The following ZNF699 variants were observed in gnomAD, a reference collection of about 807,000 sequenced individuals.
The protein encoded by ZNF699 is zinc finger protein 699.
A neutral mutation model predicts 22.5 loss-of-function variants in ZNF699; 18 were observed. That is an observed-to-expected ratio of 0.80 (90% CI 0.55 to 1.19). The LOEUF (loss-of-function observed/expected upper bound fraction) is 1.19. Among genes scored for constraint, ZNF699 ranks in the 50% most tolerant of loss-of-function variants. The pLI is 0.00. For synonymous variants in ZNF699, 241 were observed against 262.3 expected, an observed-to-expected ratio of 0.92 and a Z score of 0.78; for missense variants, 670 against 763.4, an observed-to-expected ratio of 0.88 and a Z score of 1.44.
At chr19:9,305,922 T>G (rs2066326095) in intron 1 of ZNF699, among the ~76,000 whole-genome samples, 1 of 151,828 alleles carries the variant, frequency 6.6e-6, no homozygotes, top group Non-Finnish European at 1.5e-5. Context: ...CAGGATGGTG[T>G]CAATCTCCTG....
chr19:9,302,839 A>G (rs185966982), intron 2 of ZNF699, among the ~76,000 whole-genome samples: 86 of 152,272 alleles, frequency 5.6e-4, no homozygotes, highest in Admixed American at 5.4e-3. Context: ...GCAACAGAAC[A>G]TAGTGAGAAT....
intron 3 of ZNF699, among the ~76,000 whole-genome samples, chr19:9,300,858 T>C (rs551838956): frequency 1.3e-4 from 20 of 152,356 alleles, no homozygotes; most frequent in African/African-American, 4.8e-4. Flanking sequence ...TATGATATTA[T>C]AATGGTGGAT....
At position 9,296,176 on chromosome 19, in the gene ZNF699, T is replaced by A; in HGVS notation, c.1228A>T (p.Met410Leu). 4.3e-6 allele frequency: 7 copies of A among 1,613,834 alleles called. No homozygotes were observed. Among genetic ancestry groups the A allele is most frequent in the Non-Finnish European group, 5.9e-6 (7 of 1,179,918 alleles). ...GGTTTTTCTCCAGTGTGTTTTCTCA[T>A]ATGGATACTTAAGGAGGAGGGACAA... ...YNCPSSLSIH[M>L]RKHTGEKPYE... The change falls in exon 6 of 6, where the codon ATG becomes TTG. Residue 410 changes from methionine to leucine, a missense_variant. Physicochemically the swap from Met to Leu is conservative, Grantham distance 15 (BLOSUM62 2). Transcript: ENST00000591998.
rs1427330490 is a variant in ZNF699, at chr19:9,297,837, AT to A, written c.286+42del. The A allele has an allele frequency of 6.0e-6, 9 of 1,488,116 alleles. No individual in the cohort carries two copies. Among genetic ancestry groups the A allele is most frequent in the Non-Finnish European group, 8.4e-6 (9 of 1,071,022 alleles). 92.2% of individuals were successfully genotyped at this position (1,488,116 alleles called of 1,614,324 possible). ...TGTTTTTGTTTTTTACTTTAAGTTT[AT>A]TTTTTCCCCCAACCAAAACAGTTTC... On this transcript the variant is annotated intron_variant, in intron 4 of 5. Transcript: ENST00000591998. This position sits in a 1 kb window ranked among gnomAD's most constrained non-coding sequence, Gnocchi z 4.3.
Position 9,295,827 on chromosome 19 carries a change from G to T in ZNF699, c.1577C>A (p.Thr526Asn), listed in dbSNP as rs1308642687. ...CTTACATTCATAGGGTTTCTCTCCA[G>T]TGTGAGTTCTGATATGTACTGTAAG... is the stretch of plus-strand genomic sequence containing the variant. ...SHLTVHIRTH[T>N]GEKPYECKKC... is the part of the protein sequence containing the mutation. Residue 526 changes from threonine (T) to asparagine (N), a missense_variant, in exon 6 of 6, where the codon ACT becomes AAT. Coordinates refer to ENST00000591998, the MANE Select transcript of ZNF699 (RefSeq NM_198535.3). 6.2e-7 allele frequency: 1 copy of T among 1,613,902 alleles called. No homozygotes were observed. The highest frequency in any genetic ancestry group is 2.2e-5 in the East Asian group (1 of 44,880).
chr19:9,309,709 C>G lies in ZNF699; in HGVS notation c.-365G>C, dbSNP rs1223316843. On this transcript the variant is annotated 5_prime_UTR_variant, in exon 1 of 6. Coordinates refer to ENST00000591998, the MANE Select transcript of ZNF699 (RefSeq NM_198535.3). ...CCGATTCCCAAACCCAGCCCTCGGT[C>G]TCCCGCGGACCCGACCCGGGGCAGG... is the stretch of plus-strand genomic sequence containing the variant. The G allele has an allele frequency of 1.3e-5, 2 of 152,380 alleles. No homozygotes were observed. The highest frequency in any genetic ancestry group is 2.4e-5 in the African/African-American group (1 of 41,470). The allele number at this position is 152,380 out of a possible 1,614,324, so 9.4% of individuals were successfully genotyped here.
At chr19:9,302,738 C>T (rs2066312409) in intron 2 of ZNF699, among the ~76,000 whole-genome samples, 1 of 152,180 alleles carries the variant, frequency 6.6e-6, no homozygotes, top group Non-Finnish European at 1.5e-5. Context: ...CACTAAATTG[C>T]CAGGCAAATT....
At chr19:9,302,271 C>T (rs1374086975) in intron 3 of ZNF699, 107 bp downstream of exon 3, 1 of 1,344,766 alleles carries the variant, frequency 7.4e-7, no homozygotes, top group Non-Finnish European at 1.0e-6. Context: ...ATCTGTCTTA[C>T]TTACCAATGT....
chr19:9,297,672 A>G lies in ZNF699; in HGVS notation c.287-193T>C, dbSNP rs1184161386. The stretch of plus-strand genomic sequence containing the variant: ...AAAACAGAAATTGGATAAAATGCAC[A>G]TGACCAAATGCCAACTTACAAAGAG... On this transcript the variant is annotated intron_variant, in intron 4 of 5. Transcript: ENST00000591998. This position sits in a 1 kb window ranked among gnomAD's most constrained non-coding sequence, Gnocchi z 4.3. 1.3e-5 allele frequency among the ~76,000 whole-genome samples: 2 copies of G among 152,204 alleles called. No individual in the cohort carries two copies. The highest frequency in any genetic ancestry group is 1.9e-4 in the East Asian group (1 of 5,192).
At chr19:9,304,448 AG>A (rs1213295616) in intron 2 of ZNF699, among the ~76,000 whole-genome samples, 1 of 152,072 alleles carries the variant, frequency 6.6e-6, no homozygotes, top group Non-Finnish European at 1.5e-5. Context: ...TTTTGAAGCC[AG>A]GCCCACAGCT....
Position 9,292,385 on chromosome 19 carries a change from C to A in ZNF699, c.*3090G>T, listed in dbSNP as rs933040517. Among the ~76,000 whole-genome samples, 1 of 152,136 alleles carries A rather than the reference C, an allele frequency of 6.6e-6. No homozygotes were observed. The highest frequency in any genetic ancestry group is 2.4e-5 in the African/African-American group (1 of 41,414). On this transcript the variant is annotated 3_prime_UTR_variant, in exon 6 of 6. Coordinates refer to ENST00000591998, the MANE Select transcript of ZNF699 (RefSeq NM_198535.3). Reference sequence around the variant, plus strand: ...TTCAATTCTGATCATCATATTGGAACCACTCAAAAAGACAATCACTCTTTT... The same window carrying A: ...TTCAATTCTGATCATCATATTGGAAACACTCAAAAAGACAATCACTCTTTT...
intron 1 of ZNF699, among the ~76,000 whole-genome samples, chr19:9,309,136 C>CTTTTTTTTTTTTT (rs61471638): frequency 1.9e-5 from 2 of 104,842 alleles, no homozygotes; most frequent in Non-Finnish European, 3.9e-5. Flanking sequence ...TTTTATTTTA[C>CTTTTTTTTTTTTT]TTTTTTTTTT....
chr19:9,301,139 G>A (rs1166484604), intron 3 of ZNF699, among the ~76,000 whole-genome samples: 1 of 125,854 alleles, frequency 7.9e-6, no homozygotes, highest in Admixed American at 7.7e-5. Context: ...AAAAAAAAAA[G>A]AGAGAGAGAG....
rs746225210 is a variant in ZNF699, at chr19:9,305,143, G to T, written c.-5-19C>A. ...ATGTCGCCTTCATGAAGAAAAGCAGGATATTGAGAAGTTAGAATTAAAAAA... is the reference window on the plus strand; with the variant it reads ...ATGTCGCCTTCATGAAGAAAAGCAGTATATTGAGAAGTTAGAATTAAAAAA... On this transcript the variant is annotated intron_variant, in intron 1 of 5. Coordinates refer to ENST00000591998, the MANE Select transcript of ZNF699 (RefSeq NM_198535.3). 6 of 1,610,256 alleles carry T rather than the reference G, an allele frequency of 3.7e-6. No homozygotes were observed. The highest frequency in any genetic ancestry group is 5.1e-6 in the Non-Finnish European group (6 of 1,178,242).
In ZNF699 at chr19:9,297,990, C is replaced by T. The variant is rs750865746; in HGVS notation, c.176G>A (p.Gly59Glu). 1 of 1,592,540 alleles carries T rather than the reference C, an allele frequency of 6.3e-7. No homozygotes were observed. The highest frequency in any genetic ancestry group is 8.6e-7 in the Non-Finnish European group (1 of 1,162,428). ...LENFQNLASL[G>E]YPLHTPHLIS... ...CAGATGGGGTGTGTGTAGCGGATAC[C>T]CTGCACAAGCAGAAAGGCATATCAC... Residue 59 changes from glycine (G) to glutamate (E), a missense_variant and splice_region_variant, in exon 4 of 6, where the codon GGG becomes GAG. Physicochemically the swap from Gly to Glu is moderately conservative, Grantham distance 98. Coordinates refer to ENST00000591998, the MANE Select transcript of ZNF699 (RefSeq NM_198535.3). The surrounding 1 kb of genome is among the most constrained non-coding windows in gnomAD (Gnocchi z 4.3).
In ZNF699 at chr19:9,300,326, C is replaced by T. The variant is rs574182251; in HGVS notation, c.175+2052G>A. ...CGATCTCCTGACCTCGTGATCCACC[C>T]GCCTCGGCCTCCCAAAGTACTAGGA... On this transcript the variant is annotated intron_variant, in intron 3 of 5. Coordinates refer to ENST00000591998, the MANE Select transcript of ZNF699 (RefSeq NM_198535.3). Among the ~76,000 whole-genome samples the T allele has an allele frequency of 1.3e-4, 20 of 152,246 alleles. 1 individual carries two copies. The highest frequency in any genetic ancestry group is 4.6e-4 in the Admixed American group (7 of 15,294).
chr19:9,306,109 C>T (rs1056378515), intron 1 of ZNF699, among the ~76,000 whole-genome samples: 1 of 151,614 alleles, frequency 6.6e-6, no homozygotes, highest in Non-Finnish European at 1.5e-5. Flanking sequence ...AATAAGAATA[C>T]TTGGCCAAGC....
chr19:9,303,922 AT>A lies in ZNF699; in HGVS notation c.48+1149del, dbSNP rs1322934527. Among the ~76,000 whole-genome samples the A allele has an allele frequency of 1.5e-4, 23 of 151,824 alleles. No individual in the cohort carries two copies. The East Asian group carries it at 4.5e-3, about 30-fold the overall frequency. The stretch of plus-strand genomic sequence containing the variant: ...AACCTCCACCTCCCTGGTTCAAGCA[AT>A]TCCCCTGCCTCAGCCTCCCGAGTAG... On this transcript the variant is annotated intron_variant, in intron 2 of 5. Transcript: ENST00000591998.
chr19:9,296,395 A>C lies in ZNF699; in HGVS notation c.1009T>G (p.Cys337Gly). The C allele has an allele frequency of 6.2e-7, 1 of 1,614,102 alleles. No individual in the cohort carries two copies. The highest frequency in any genetic ancestry group is 8.5e-7 in the Non-Finnish European group (1 of 1,179,986). ...RIHSGDKPYECKECGKAFSSS... is the reference protein window; with the variant it reads ...RIHSGDKPYEGKECGKAFSSS... ...CTAAAGGCCTTCCCACATTCCTTAC[A>C]TTCATATGGCTTATCTCCACTGTGA... The change falls in exon 6 of 6, where the codon TGT becomes GGT. Residue 337 changes from cysteine (C) to glycine (G), a missense_variant. Transcript: ENST00000591998.
Sources: allele counts gnomAD v4.1 joint callset (sites outside exome capture counted in the v4.1 genomes callset), GRCh38; gene constraint gnomAD v4.1.1; non-coding constraint Gnocchi (gnomAD v3.1); transcripts MANE v1.5; gene names NCBI Gene and HGNC (gene_info 2026-07-23, HGNC 2026-07-21).